Variants in FGGY observed in about 807,000 individuals in gnomAD.
FGGY encodes FGGY carbohydrate kinase domain-containing protein.
FGGY carries 72 observed loss-of-function variants against 71.3 expected under a neutral mutation model. The observed-to-expected ratio is 1.01, with a 90% confidence interval of 0.84 to 1.23. FGGY has a LOEUF of 1.23. Ranked by LOEUF, FGGY falls within the 50% of genes most tolerant of loss-of-function variation. The pLI, the probability that FGGY is intolerant of heterozygous loss-of-function variation, is 0.00. For missense variants in FGGY, 668 were observed against 682.3 expected, an observed-to-expected ratio of 0.98 and a Z score of 0.23; for synonymous variants, 251 against 250.3, an observed-to-expected ratio of 1.00 and a Z score of -0.02.
chr1:59,501,800 T>G (rs942838422), intron 6 of FGGY, among the ~76,000 whole-genome samples: 10 of 152,180 alleles, frequency 6.6e-5, no homozygotes, highest in Non-Finnish European at 1.3e-4. Context: ...CTTTCACAGG[T>G]TCTGCAGTTT....
intron 14 of FGGY, chr1:59,697,594 C>A: frequency 9.7e-7 from 1 of 1,026,002 alleles, no homozygotes; most frequent in Non-Finnish European, 1.4e-6. Context: ...TGATTATAAC[C>A]ATCGTCGCTG....
At chr1:59,761,696 G>A (rs960387980) in intron 15 of FGGY, among the ~76,000 whole-genome samples, 5 of 152,188 alleles carry the variant, frequency 3.3e-5, no homozygotes, top group Non-Finnish European at 7.3e-5. Context: ...GATAGGACAG[G>A]GAGAGCAACG....
intron 8 of FGGY, among the ~76,000 whole-genome samples, chr1:59,600,060 G>A (rs6677274): frequency 0.097 from 14,753 of 152,172 alleles, 869 homozygotes; most frequent in Non-Finnish European, 0.13. Flanking sequence ...TCTGAGTGAC[G>A]CTTAAGAGAG....
chr1:59,585,273 T>C (rs981533384), intron 8 of FGGY, among the ~76,000 whole-genome samples: 2 of 152,152 alleles, frequency 1.3e-5, no homozygotes, highest in Non-Finnish European at 2.9e-5. Context: ...CAAACTATAC[T>C]ACCAGGCTAC....
At chr1:59,446,938 C>T (rs2071412655) in intron 5 of FGGY, among the ~76,000 whole-genome samples, 1 of 152,126 alleles carries the variant, frequency 6.6e-6, no homozygotes, top group Non-Finnish European at 1.5e-5. Flanking sequence ...AATGATCAGG[C>T]CCCTGGAACT....
chr1:59,662,885 A>G (rs2097290286), intron 12 of FGGY, among the ~76,000 whole-genome samples: 1 of 152,222 alleles, frequency 6.6e-6, no homozygotes, highest in Non-Finnish European at 1.5e-5. Flanking sequence ...AGGACATTTG[A>G]CTGTATTGAG....
At chr1:59,657,479 GT>G in intron 11 of FGGY, among the ~76,000 whole-genome samples, 1 of 152,356 alleles carries the variant, frequency 6.6e-6, no homozygotes, top group East Asian at 1.9e-4. Flanking sequence ...TGTGTGAATG[GT>G]GTTCATGACT....
chr1:59,351,892 A>G (rs1030513394), intron 4 of FGGY, among the ~76,000 whole-genome samples: 9 of 151,516 alleles, frequency 5.9e-5, no homozygotes, highest in African/African-American at 2.2e-4. Flanking sequence ...AGTTGGGCAG[A>G]ATTTGGGGTT....
intron 11 of FGGY, among the ~76,000 whole-genome samples, chr1:59,658,825 C>T (rs1015348883): frequency 1.3e-5 from 2 of 152,108 alleles, no homozygotes; most frequent in Non-Finnish European, 2.9e-5. Context: ...AAGTGAATGA[C>T]AGTAAGGATC....
At chr1:59,660,789 T>C (rs1207371459) in intron 12 of FGGY, among the ~76,000 whole-genome samples, 1 of 152,212 alleles carries the variant, frequency 6.6e-6, no homozygotes, top group African/African-American at 2.4e-5. Context: ...AATTTAAATC[T>C]GAAATGTTAG....
intron 14 of FGGY, among the ~76,000 whole-genome samples, chr1:59,717,568 C>T (rs1034525611): frequency 2.6e-5 from 4 of 152,012 alleles, no homozygotes; most frequent in African/African-American, 9.7e-5. Context: ...GATGAACACC[C>T]AGAGCTTGGG....
intron 8 of FGGY, among the ~76,000 whole-genome samples, chr1:59,568,471 G>GA (rs374788482): frequency 6.4e-4 from 82 of 127,428 alleles, no homozygotes; most frequent in African/African-American, 2.2e-3. Flanking sequence ...GGGCGGGGGG[G>GA]GGTGTTCTTA....
At chr1:59,727,927 T>A (rs981467356) in intron 14 of FGGY, among the ~76,000 whole-genome samples, 6 of 152,180 alleles carry the variant, frequency 3.9e-5, no homozygotes, top group African/African-American at 1.4e-4. Flanking sequence ...CCTTTACTTA[T>A]AACCTGTCTA....
At chr1:59,443,365 C>T (rs2070421056) in intron 5 of FGGY, among the ~76,000 whole-genome samples, 1 of 152,150 alleles carries the variant, frequency 6.6e-6, no homozygotes, top group African/African-American at 2.4e-5. Flanking sequence ...CATCCTTTGC[C>T]AGGAATTGTA....
chr1:59,302,717 T>A (rs1476336278), intron 1 of FGGY, among the ~76,000 whole-genome samples: 2 of 151,180 alleles, frequency 1.3e-5, no homozygotes, highest in African/African-American at 2.4e-5. Flanking sequence ...GAAAAAAAAA[T>A]AATTTATTAA....
intron 9 of FGGY, among the ~76,000 whole-genome samples, chr1:59,613,675 C>T (rs1364089146): frequency 6.6e-6 from 1 of 151,970 alleles, no homozygotes; most frequent in Non-Finnish European, 1.5e-5. Context: ...AATAGAGACA[C>T]AAAAAACCCT....
intron 12 of FGGY, among the ~76,000 whole-genome samples, chr1:59,662,276 C>T (rs938319199): frequency 1.1e-4 from 17 of 149,008 alleles, no homozygotes; most frequent in South Asian, 2.1e-4. Context: ...ACTGAGATCG[C>T]GCCACTGCAC....
At chr1:59,466,478 T>C (rs938184062) in intron 6 of FGGY, among the ~76,000 whole-genome samples, 2 of 152,114 alleles carry the variant, frequency 1.3e-5, no homozygotes, top group African/African-American at 4.8e-5. Context: ...CCAAAAGCAA[T>C]GGCACCAAAA....
intron 8 of FGGY, among the ~76,000 whole-genome samples, chr1:59,562,941 G>A (rs1270750834): frequency 1.3e-5 from 2 of 152,142 alleles, no homozygotes; most frequent in African/African-American, 4.8e-5. Flanking sequence ...AAAAAAGATC[G>A]ATTTTGTATC....
Sources: allele counts gnomAD v4.1 joint callset (sites outside exome capture counted in the v4.1 genomes callset), GRCh38; gene constraint gnomAD v4.1.1; transcripts MANE v1.5; gene names NCBI Gene and HGNC (gene_info 2026-07-23, HGNC 2026-07-21).